The following TMEM214 variants were observed in gnomAD, a reference collection of about 807,000 sequenced individuals.
TMEM214 encodes the protein transmembrane protein 214.
In TMEM214, 71 loss-of-function variants were observed where a neutral mutation model predicts 89.8. That is an observed-to-expected ratio of 0.79 (90% confidence interval 0.65 to 0.96). TMEM214 has a LOEUF of 0.96. Among genes scored for constraint, TMEM214 ranks in the 40% least tolerant of loss-of-function variants. The pLI is 0.00. For missense variants in TMEM214, 754 were observed against 843.4 expected, an observed-to-expected ratio of 0.89 and a Z score of 1.31; for synonymous variants, 332 against 349.5, an observed-to-expected ratio of 0.95 and a Z score of 0.56.
intron 2 of TMEM214, among the ~76,000 whole-genome samples, chr2:27,034,785 C>T (rs538872226): frequency 1.2e-3 from 187 of 151,496 alleles, no homozygotes; most frequent in African/African-American, 4.4e-3. Flanking sequence ...GGTTTCACTA[C>T]GTTGGCCAGG....
At chr2:27,037,480 G>A in intron 8 of TMEM214, 81 bp from the exon 9 acceptor site, 1 of 1,560,072 alleles carries the variant, frequency 6.4e-7, no homozygotes, top group Non-Finnish European at 8.8e-7. Flanking sequence ...AGGCAGGCAT[G>A]GGCTCTGAAG....
rs1032564339 is a variant in TMEM214 at position 27,040,848 on chromosome 2, C to T, written c.*11C>T. The stretch of plus-strand genomic sequence containing the variant: ...ATATCCCAGCAGTAGGCCCTGCCTT[C>T]CTGGCCACTGATTTCTGCATGGGTA... On this transcript the variant is annotated 3_prime_UTR_variant, in exon 17 of 17. Transcript: ENST00000238788. 3.1e-6 allele frequency: 5 copies of T among 1,611,148 alleles called. No homozygotes were observed. Among genetic ancestry groups the T allele is most frequent in the Middle Eastern group, 1.6e-4 (1 of 6,070 alleles).
At chr2:27,033,222 C>G in intron 1 of TMEM214, 56 bp downstream of exon 1, 1 of 1,241,670 alleles carries the variant, frequency 8.1e-7, no homozygotes, top group Middle Eastern at 2.1e-4. Flanking sequence ...AGGGTCGCAG[C>G]GAGCGGCTCC....
intron 7 of TMEM214, 105 bp downstream of exon 7, chr2:27,036,891 C>A: frequency 2.4e-6 from 3 of 1,274,592 alleles, no homozygotes; most frequent in Non-Finnish European, 3.4e-6. Context: ...TGAGGAAAAT[C>A]AGGACCAGCT....
At position 27,038,129 on chromosome 2, in the gene TMEM214, T is replaced by G; in HGVS notation, c.1153-17T>G. On this transcript the variant is annotated splice_polypyrimidine_tract_variant and intron_variant, in intron 9 of 16. Transcript: ENST00000238788. This position sits in a 1 kb window ranked among gnomAD's most constrained non-coding sequence, Gnocchi z 4.4. ...CCCCATGCCCCCAGCAGCCTCTCCC[T>G]CTGTCGTGCTGTGCAGCTCCTGAGC... The G allele has an allele frequency of 6.2e-7, 1 of 1,614,152 alleles. No individual in the cohort carries two copies. Among genetic ancestry groups the G allele is most frequent in the Non-Finnish European group, 8.5e-7 (1 of 1,180,026 alleles).
chr2:27,035,364 C>T, intron 3 of TMEM214, 79 bp downstream of exon 3: 1 of 1,568,968 alleles, frequency 6.4e-7, no homozygotes, highest in Non-Finnish European at 8.7e-7. Context: ...CCCAGTGCCC[C>T]ACACTGTCCT....
At position 27,040,889 on chromosome 2, in the gene TMEM214, C is replaced by A. The variant is rs777877436; in HGVS notation, c.*52C>A. Reference sequence around the variant, plus strand: ...TGCATGGGTAGACCATCCAAGACTGCAGCGGGTAGAAGGTGGCAGTTCTTC... The same window carrying A: ...TGCATGGGTAGACCATCCAAGACTGAAGCGGGTAGAAGGTGGCAGTTCTTC... On this transcript the variant is annotated 3_prime_UTR_variant, in exon 17 of 17. Coordinates refer to ENST00000238788, the MANE Select transcript of TMEM214 (RefSeq NM_017727.5). 2 of 1,592,466 alleles carry A rather than the reference C, an allele frequency of 1.3e-6. No individual in the cohort carries two copies. The highest frequency in any genetic ancestry group is 1.7e-6 in the Non-Finnish European group (2 of 1,162,994).
At position 27,039,807 on chromosome 2, in the gene TMEM214, A is replaced by G; in HGVS notation, c.1592A>G (p.Lys531Arg). ...FLPASQQACA[K>R]LYSYSLQGYS... is the part of the protein sequence containing the mutation. ...CCTGCTAGCCAACAAGCGTGTGCCA[A>G]GCTCTACTCCTACAGTCTGCAAGGC... Residue 531 changes from lysine to arginine, a missense_variant, in exon 14 of 17, where the codon AAG becomes AGG. By Grantham distance (26) the Lys-to-Arg change is conservative. Coordinates refer to ENST00000238788, the MANE Select transcript of TMEM214 (RefSeq NM_017727.5). The G allele has an allele frequency of 6.2e-7, 1 of 1,614,212 alleles. No homozygotes were observed. Among genetic ancestry groups the G allele is most frequent in the Non-Finnish European group, 8.5e-7 (1 of 1,180,036 alleles).
In TMEM214 at chr2:27,038,319, T is replaced by G; in HGVS notation, c.1244+82T>G. ...GTCACTGTCCCATGGCCTGACACCT[T>G]TCAGGCTGAGTGGGAACATTGCTGG... On this transcript the variant is annotated intron_variant, in intron 10 of 16. Transcript: ENST00000238788. The surrounding 1 kb of genome is among the most constrained non-coding windows in gnomAD (Gnocchi z 4.4). The G allele has an allele frequency of 6.4e-7, 1 of 1,557,438 alleles. No individual in the cohort carries two copies.
At position 27,038,844 on chromosome 2, in the gene TMEM214, C is replaced by T; in HGVS notation, c.1407+29C>T. ...CTGGCACCCGGTCCTCTCCAGCCCA[C>T]ACGCTATCTTACATCTCTGTCTCAG... On this transcript the variant is annotated intron_variant, in intron 12 of 16. Transcript: ENST00000238788. The surrounding 1 kb of genome is among the most constrained non-coding windows in gnomAD (Gnocchi z 4.4). 1.9e-6 allele frequency: 3 copies of T among 1,587,702 alleles called. No individual in the cohort carries two copies. Among genetic ancestry groups the T allele is most frequent in the Non-Finnish European group, 2.6e-6 (3 of 1,157,220 alleles).
chr2:27,033,964 C>A (rs1667440523), intron 1 of TMEM214, 103 bp from the exon 2 acceptor site: 1 of 1,289,716 alleles, frequency 7.8e-7, no homozygotes, highest in East Asian at 2.3e-5. Flanking sequence ...CAGGCTCTTC[C>A]CTGGAGATGA....
In TMEM214 at chr2:27,040,456, GCCCTGGCCTGGGCC is replaced by G; in HGVS notation, c.1905_1918del (p.Leu636GlyfsTer5). The stretch of plus-strand genomic sequence containing the variant: ...GCCACTGTGGCACCTCTTGCTTGAG[GCCCTGGCCTGGGCC>G]CAGGAGCACTGCCATGAGGCATGCA... On this transcript the variant is annotated frameshift_variant, in exon 16 of 17. Transcript: ENST00000238788. LOFTEE classifies it high-confidence loss of function. 6.2e-7 allele frequency: 1 copy of G among 1,614,048 alleles called. No individual in the cohort carries two copies. The highest frequency in any genetic ancestry group is 8.5e-7 in the Non-Finnish European group (1 of 1,180,012).
Position 27,037,469 on chromosome 2 carries a change from C to T in TMEM214, c.1011-92C>T, listed in dbSNP as rs1003076759. On this transcript the variant is annotated intron_variant, in intron 8 of 16. Transcript: ENST00000238788. Reference sequence around the variant, plus strand: ...CAAGGTCCTCAGTGGCTATTCCCCACAGGCAGGCATGGGCTCTGAAGCAAG... The same window carrying T: ...CAAGGTCCTCAGTGGCTATTCCCCATAGGCAGGCATGGGCTCTGAAGCAAG... 22 of 1,508,450 alleles carry T rather than the reference C, an allele frequency of 1.5e-5. No individual in the cohort carries two copies. In the African/African-American group the frequency reaches 2.9e-4, roughly 20 times the overall value. The allele number at this position is 1,508,450 out of a possible 1,614,324, so 93.4% of individuals were successfully genotyped here.
intron 8 of TMEM214, 133 bp from the exon 9 acceptor site, chr2:27,037,428 A>T: frequency 8.6e-7 from 1 of 1,164,210 alleles, no homozygotes; most frequent in South Asian, 1.4e-5. Flanking sequence ...CTGAGTAAAA[A>T]GATTCAGAGC....
At chr2:27,033,421 C>T (rs1420873619) in intron 1 of TMEM214, among the ~76,000 whole-genome samples, 3 of 152,168 alleles carry the variant, frequency 2.0e-5, no homozygotes, top group African/African-American at 7.2e-5. Context: ...GGATTCCGGT[C>T]CTCAGACTCT....
chr2:27,037,591 C>T lies in TMEM214; in HGVS notation c.1041C>T (p.Pro347=). The part of the protein sequence containing the change: ...SLQEQLCQLY[P]RLKVLAFGAK... ...AGGAGCAGCTGTGTCAGCTCTACCC[C>T]CGACTGAAAGTGCTGGCATTTGGAG... The change falls in exon 9 of 17, where the codon CCC becomes CCT. Residue 347 remains proline (P), a synonymous_variant. Transcript: ENST00000238788. 1 of 1,614,202 alleles carries T rather than the reference C, an allele frequency of 6.2e-7. No homozygotes were observed. Among genetic ancestry groups the T allele is most frequent in the South Asian group, 1.1e-5 (1 of 91,086 alleles).
chr2:27,040,776 G>A lies in TMEM214; in HGVS notation c.2009G>A (p.Cys670Tyr), dbSNP rs1667804487. The A allele has an allele frequency of 6.2e-7, 1 of 1,614,100 alleles. No homozygotes were observed. ...LSEAVHWTWL[C>Y]LQDITVAFLD... The stretch of plus-strand genomic sequence containing the variant: ...GAGGCTGTCCACTGGACCTGGCTTT[G>A]CCTACAGGACATTACAGTGGCTTTC... The change falls in exon 17 of 17, where the codon TGC becomes TAC. Residue 670 changes from cysteine to tyrosine, a missense_variant. Cys to Tyr is a radical substitution (Grantham distance 194, BLOSUM62 -2). Coordinates refer to ENST00000238788, the MANE Select transcript of TMEM214 (RefSeq NM_017727.5).
chr2:27,036,510 C>T lies in TMEM214; in HGVS notation c.744C>T (p.His248=), dbSNP rs751249133. Residue 248 remains histidine, a synonymous_variant, in exon 6 of 17, where the codon CAC becomes CAT. Coordinates refer to ENST00000238788, the MANE Select transcript of TMEM214 (RefSeq NM_017727.5). ...LGKFLELLRS[H]QSRPAKCLTI... ...AGTTCCTGGAACTGCTGAGGTCCCA[C>T]CAGAGCCGACCAGCAAAGTGTCTCA... 1 of 1,614,132 alleles carries T rather than the reference C, an allele frequency of 6.2e-7. No individual in the cohort carries two copies. Among genetic ancestry groups the T allele is most frequent in the Non-Finnish European group, 8.5e-7 (1 of 1,180,028 alleles).
chr2:27,039,320 A>G (rs948671147), intron 13 of TMEM214, 156 bp downstream of exon 13: 1 of 637,056 alleles, frequency 1.6e-6, no homozygotes, highest in African/African-American at 1.8e-5. Flanking sequence ...TTGTCCACAG[A>G]TATGACACTA....
Sources: allele counts gnomAD v4.1 joint callset (sites outside exome capture counted in the v4.1 genomes callset), GRCh38; gene constraint gnomAD v4.1.1; non-coding constraint Gnocchi (gnomAD v3.1); transcripts MANE v1.5; gene names NCBI Gene and HGNC (gene_info 2026-07-23, HGNC 2026-07-21).